Variants in VEZT observed in about 807,000 individuals in gnomAD.
The protein encoded by VEZT is vezatin.
Under a neutral mutation model 79.9 loss-of-function variants are expected in VEZT, and 39 were observed. The observed-to-expected ratio is 0.49, with a 90% CI of 0.38 to 0.64. The LOEUF (loss-of-function observed/expected upper bound fraction) is 0.64, where lower values mean the gene tolerates loss of function less well. Ranked by LOEUF, VEZT falls within the 30% of genes least tolerant of loss-of-function variation. VEZT has a pLI of 0.00. For missense variants in VEZT, 837 were observed against 893.1 expected, an observed-to-expected ratio of 0.94 and a Z score of 0.80; for synonymous variants, 325 against 327.6, an observed-to-expected ratio of 0.99 and a Z score of 0.09.
At chr12:95,273,010 T>C (rs1593812291) in intron 6 of VEZT, among the ~76,000 whole-genome samples, 1 of 152,166 alleles carries the variant, frequency 6.6e-6, no homozygotes, top group South Asian at 2.1e-4. Context: ...GGGATTGTTA[T>C]AGGCATGAGC....
intron 8 of VEZT, among the ~76,000 whole-genome samples, chr12:95,283,873 A>G (rs546218424): frequency 6.6e-6 from 1 of 152,362 alleles, no homozygotes; most frequent in Non-Finnish European, 1.5e-5. Flanking sequence ...ACTGGGCGAT[A>G]AGGCCATCTC....
chr12:95,235,972 A>G (rs999353758), intron 1 of VEZT, among the ~76,000 whole-genome samples: 105 of 150,216 alleles, frequency 7.0e-4, no homozygotes, highest in African/African-American at 2.5e-3. Flanking sequence ...CTCACTTCCT[A>G]GATGGGATGG....
chr12:95,269,819 AT>A, intron 5 of VEZT: 1 of 367,312 alleles, frequency 2.7e-6, no homozygotes, highest in Non-Finnish European at 4.7e-6. Context: ...TGAGATGTTA[AT>A]TTTTTGTCTT....
intron 8 of VEZT, 37 bp downstream of exon 8, chr12:95,282,681 A>G (rs2069485938): frequency 6.6e-7 from 1 of 1,512,722 alleles, no homozygotes; most frequent in South Asian, 1.3e-5. Flanking sequence ...GGTCTCGGTA[A>G]TTAGCAAGCT....
At chr12:95,237,892 T>C (rs2060410300) in intron 1 of VEZT, among the ~76,000 whole-genome samples, 3 of 152,218 alleles carry the variant, frequency 2.0e-5, no homozygotes, top group Admixed American at 2.0e-4. Context: ...TATATGAGCA[T>C]TTTCTAAAAT....
chr12:95,236,345 G>A (rs1215659131), intron 1 of VEZT, among the ~76,000 whole-genome samples: 1 of 152,176 alleles, frequency 6.6e-6, no homozygotes, highest in Non-Finnish European at 1.5e-5. Flanking sequence ...ATCAGGCAGG[G>A]AGGTTGCAGT....
chr12:95,287,999 T>C (rs1320171396), intron 9 of VEZT, 142 bp downstream of exon 9: 1 of 642,514 alleles, frequency 1.6e-6, no homozygotes, highest in Non-Finnish European at 2.5e-6. Context: ...ATGTTGAATT[T>C]ATATGTACAA....
At position 95,300,764 on chromosome 12, in the gene VEZT, A is replaced by C; in HGVS notation, c.*91A>C. ...GGAAAGGGAATATGAGTGTAAGTTT[A>C]CTATATATAAAGCTAAGATGTGGAT... is the stretch of plus-strand genomic sequence containing the variant. On this transcript the variant is annotated 3_prime_UTR_variant, in exon 12 of 12. Coordinates refer to ENST00000436874, the MANE Select transcript of VEZT (RefSeq NM_017599.4). 7.0e-7 allele frequency: 1 copy of C among 1,419,438 alleles called. No individual in the cohort carries two copies. The highest frequency in any genetic ancestry group is 9.2e-7 in the Non-Finnish European group (1 of 1,089,480). 87.9% of individuals were successfully genotyped at this position (1,419,438 alleles called of 1,614,324 possible). A position where few individuals can be genotyped will look rare whatever the true frequency, so the allele number is the denominator to read the frequency against.
rs939999398 is a variant in VEZT, at chr12:95,256,593, A to G, written c.169-557A>G. ...CACTCAATGAATATAAACTGCACTT[A>G]CTGGCATGCTCAAGGAATGGGCTAT... On this transcript the variant is annotated intron_variant, in intron 2 of 11. Coordinates refer to ENST00000436874, the MANE Select transcript of VEZT (RefSeq NM_017599.4). 2.3e-6 allele frequency: 3 copies of G among 1,289,690 alleles called. No homozygotes were observed. In the African/African-American group the frequency reaches 4.6e-5, roughly 20 times the overall value. The allele number at this position is 1,289,690 out of a possible 1,614,324, so 79.9% of individuals were successfully genotyped here.
chr12:95,236,284 G>C (rs1280849846), intron 1 of VEZT, among the ~76,000 whole-genome samples: 2 of 152,190 alleles, frequency 1.3e-5, no homozygotes, highest in African/African-American at 4.8e-5. Flanking sequence ...CCAGTCAGGC[G>C]TGGCGGCGCG....
chr12:95,240,045 G>GAAGT (rs2060776529), intron 1 of VEZT, among the ~76,000 whole-genome samples: 1 of 119,456 alleles, frequency 8.4e-6, no homozygotes, highest in Non-Finnish European at 1.9e-5. Context: ...AGGAAGGAAG[G>GAAGT]AAGGAAGGAA....
intron 1 of VEZT, among the ~76,000 whole-genome samples, chr12:95,235,522 G>A (rs1358927433): frequency 7.0e-6 from 1 of 142,354 alleles, no homozygotes; most frequent in Admixed American, 6.8e-5. Context: ...CCCGGACGGG[G>A]CAGCTGGCCG....
At chr12:95,240,661 G>C (rs11107952) in intron 1 of VEZT, among the ~76,000 whole-genome samples, 17,026 of 152,136 alleles carry the variant, frequency 0.11, 1,048 homozygotes, top group East Asian at 0.25. Flanking sequence ...TTCTAATGCA[G>C]TTATTTCGAA....
In VEZT at chr12:95,296,166, A is replaced by G. The variant is rs760733006; in HGVS notation, c.1739A>G (p.Lys580Arg). The G allele has an allele frequency of 1.9e-6, 3 of 1,579,184 alleles. No individual in the cohort carries two copies. In the African/African-American group the frequency reaches 4.0e-5, roughly 21 times the overall value. The change falls in exon 11 of 12, where the codon AAG becomes AGG. Residue 580 changes from lysine (K) to arginine (R), a missense_variant. Coordinates refer to ENST00000436874, the MANE Select transcript of VEZT (RefSeq NM_017599.4). ...ERQKREHEES[K>R]RVLQELKSVL... Reference sequence around the variant, plus strand: ...CAGAAGCGTGAGCATGAAGAATCCAAGAGGGTGCTCCAAGAATTAAAATCT... The same window carrying G: ...CAGAAGCGTGAGCATGAAGAATCCAGGAGGGTGCTCCAAGAATTAAAATCT...
intron 1 of VEZT, among the ~76,000 whole-genome samples, chr12:95,249,969 A>G (rs1407447274): frequency 6.6e-6 from 1 of 151,808 alleles, no homozygotes; most frequent in Non-Finnish European, 1.5e-5. Flanking sequence ...AGATGAAAGT[A>G]AAATACTTAG....
At chr12:95,248,528 A>G (rs146760198) in intron 1 of VEZT, among the ~76,000 whole-genome samples, 93 of 152,294 alleles carry the variant, frequency 6.1e-4, no homozygotes, top group African/African-American at 2.2e-3. Flanking sequence ...CATAAAGTGG[A>G]AAAGGAAAGG....
chr12:95,260,160 C>T (rs1444468747), intron 3 of VEZT, among the ~76,000 whole-genome samples: 1 of 129,744 alleles, frequency 7.7e-6, no homozygotes, highest in Admixed American at 9.1e-5. Context: ...GGCTGCAGTA[C>T]AGTGGCACCA....
At chr12:95,287,450 T>G (rs1399449128) in intron 8 of VEZT, among the ~76,000 whole-genome samples, 1 of 152,054 alleles carries the variant, frequency 6.6e-6, no homozygotes, top group South Asian at 2.1e-4. Context: ...CTTAGGCACA[T>G]GCTACCATGC....
intron 11 of VEZT, chr12:95,298,975 AG>A (rs1242914627): frequency 6.5e-6 from 1 of 154,770 alleles, no homozygotes; most frequent in African/African-American, 2.4e-5. Context: ...TACATTGGAA[AG>A]GGTCATAATG....
Sources: gnomAD v4.1 joint callset for allele counts (sites outside exome capture counted in the v4.1 genomes callset) on GRCh38, gnomAD v4.1.1 for gene constraint, MANE v1.5 for transcripts, NCBI Gene and HGNC (gene_info 2026-07-23, HGNC 2026-07-21) for gene names.